The following YTHDC1 variants were observed in gnomAD, a reference collection of about 807,000 sequenced individuals.
The protein encoded by YTHDC1 is YTH domain-containing protein 1.
YTHDC1 carries 12 observed loss-of-function variants against 107.0 expected under a neutral mutation model. The ratio of observed to expected loss-of-function variants is 0.11; its 90% CI spans 0.07 to 0.18. YTHDC1 has a LOEUF of 0.18. Among genes scored for constraint, YTHDC1 ranks in the 10% least tolerant of loss-of-function variants. YTHDC1 has a pLI of 1.00. For synonymous variants in YTHDC1, 280 were observed against 289.5 expected, an observed-to-expected ratio of 0.97 and a Z score of 0.33; for missense variants, 635 against 898.8, an observed-to-expected ratio of 0.71 and a Z score of 3.75.
intron 9 of YTHDC1, among the ~76,000 whole-genome samples, chr4:68,325,441 A>G (rs566705195): frequency 1.3e-5 from 2 of 152,352 alleles, no homozygotes; most frequent in South Asian, 4.1e-4. Flanking sequence ...GAGAAGGGCT[A>G]GAACACAGGC....
chr4:68,333,487 T>C (rs1723818849), intron 4 of YTHDC1, 90 bp from the exon 5 acceptor site: 3 of 869,140 alleles, frequency 3.5e-6, no homozygotes, highest in Non-Finnish European at 5.5e-6. Context: ...TGTCTAGTTT[T>C]TGCATAGCCC....
rs747229412 is a variant in YTHDC1 at position 68,332,096 on chromosome 4, C to G, written c.1122+7G>C. 24 of 1,578,818 alleles carry G rather than the reference C, an allele frequency of 1.5e-5. No individual in the cohort carries two copies. Among genetic ancestry groups the G allele is most frequent in the Non-Finnish European group, 2.1e-5 (24 of 1,159,730 alleles). On this transcript the variant is annotated splice_region_variant and intron_variant, in intron 7 of 16. Transcript: ENST00000344157. ...TAGGATAGTTTCAACAGAACTGATG[C>G]TAATACCTTCGCTTTGGCAAGAGAC...
intron 8 of YTHDC1, 36 bp downstream of exon 8, chr4:68,330,161 TAATTA>T: frequency 6.3e-7 from 1 of 1,574,876 alleles, no homozygotes; most frequent in Non-Finnish European, 8.7e-7. Context: ...GATGCTAATA[TAATTA>T]ATGTTTTTAT....
Position 68,333,400 on chromosome 4 carries a change from A to G in YTHDC1, c.884-3T>C, listed in dbSNP as rs1399396486. ...CTTCCTTTCCTTCTTTTTCTCATCT[A>G]AAAAGAACAAGAGTTTTTTTTTTAA... On this transcript the variant is annotated splice_region_variant and splice_polypyrimidine_tract_variant and intron_variant, in intron 4 of 16. Transcript: ENST00000344157. 6.3e-7 allele frequency: 1 copy of G among 1,597,346 alleles called. No homozygotes were observed. The highest frequency in any genetic ancestry group is 8.5e-7 in the Non-Finnish European group (1 of 1,172,032).
intron 1 of YTHDC1, among the ~76,000 whole-genome samples, chr4:68,339,909 A>G (rs1006911892): frequency 2.0e-5 from 3 of 152,190 alleles, no homozygotes; most frequent in African/African-American, 7.2e-5. Context: ...TTGTCCAACA[A>G]GATAAACCTT....
intron 6 of YTHDC1, 125 bp downstream of exon 6, chr4:68,332,669 A>AT (rs1301398948): frequency 6.5e-6 from 5 of 775,064 alleles, no homozygotes; most frequent in Non-Finnish European, 1.0e-5. Context: ...TTAAGATATT[A>AT]TTTTTTGCTT....
At chr4:68,342,071 C>T (rs1022956121) in intron 1 of YTHDC1, among the ~76,000 whole-genome samples, 11 of 152,126 alleles carry the variant, frequency 7.2e-5, no homozygotes, top group Non-Finnish European at 1.6e-4. Flanking sequence ...TTCAACAAAA[C>T]AGGTATGGTA....
rs1246289693 is a variant in YTHDC1, at chr4:68,316,943, CA to C, written c.1825-496del. ...CTTTGTATGTATCTGTTCTTAGAAA[CA>C]TCAACAGGCCTGGTGTGGTGGCTCA... On this transcript the variant is annotated intron_variant, in intron 15 of 16. Coordinates refer to ENST00000344157, the MANE Select transcript of YTHDC1 (RefSeq NM_001031732.4). 3.9e-5 allele frequency among the ~76,000 whole-genome samples: 6 copies of C among 152,308 alleles called. No individual in the cohort carries two copies. In the East Asian group the frequency reaches 9.6e-4, roughly 24 times the overall value.
rs779397670 is a variant in YTHDC1, at chr4:68,337,766, C to G, written c.265G>C (p.Gly89Arg). Reference protein sequence around the residue: ...SNNKRIVSTKGKSATEYKNEE... With the variant: ...SNNKRIVSTKRKSATEYKNEE... ...TTTTTATACTCTGTGGCTGACTTTCCTTTTGTACTAACTATTCTTTTGTTA... is the reference window on the plus strand; with the variant it reads ...TTTTTATACTCTGTGGCTGACTTTCGTTTTGTACTAACTATTCTTTTGTTA... The change falls in exon 3 of 17, where the codon GGA (glycine) becomes CGA (arginine). Residue 89 changes from glycine to arginine, a missense_variant. By Grantham distance (125) the Gly-to-Arg change is moderately radical. Transcript: ENST00000344157. 1 of 1,614,092 alleles carries G rather than the reference C, an allele frequency of 6.2e-7. No homozygotes were observed. Among genetic ancestry groups the G allele is most frequent in the Non-Finnish European group, 8.5e-7 (1 of 1,180,018 alleles).
intron 4 of YTHDC1, among the ~76,000 whole-genome samples, 175 bp from the exon 5 acceptor site, chr4:68,333,572 A>G (rs1723825359): frequency 1.3e-5 from 2 of 152,178 alleles, no homozygotes; most frequent in Admixed American, 6.5e-5. Flanking sequence ...TACTGTTTAA[A>G]AAGTACGGGC....
chr4:68,348,336 T>C (rs571198288), intron 1 of YTHDC1, among the ~76,000 whole-genome samples: 148 of 152,290 alleles, frequency 9.7e-4, no homozygotes, highest in Non-Finnish European at 1.6e-3. Flanking sequence ...GTTCATAAAT[T>C]AGAAAGACAA....
intron 1 of YTHDC1, among the ~76,000 whole-genome samples, chr4:68,343,318 C>T (rs1725053668): frequency 6.6e-6 from 1 of 151,364 alleles, no homozygotes; most frequent in Non-Finnish European, 1.5e-5. Flanking sequence ...CCTGCCTCAG[C>T]CTCCCGAGTA....
intron 1 of YTHDC1, among the ~76,000 whole-genome samples, chr4:68,343,164 A>G (rs1014811278): frequency 6.6e-6 from 1 of 152,168 alleles, no homozygotes; most frequent in Non-Finnish European, 1.5e-5. Flanking sequence ...TTAGATGTCT[A>G]TATAGAGAAC....
chr4:68,349,967 C>A lies in YTHDC1; in HGVS notation c.-214G>T. ...CACTCCAGCATCCAGCGGCCTAGGC[C>A]CAGCCTTCTCGTTAGGGCTCAGACT... On this transcript the variant is annotated 5_prime_UTR_variant, in exon 1 of 17. Coordinates refer to ENST00000344157, the MANE Select transcript of YTHDC1 (RefSeq NM_001031732.4). The A allele has an allele frequency of 1.5e-6, 1 of 664,048 alleles. No individual in the cohort carries two copies. The highest frequency in any genetic ancestry group is 2.6e-6 in the Non-Finnish European group (1 of 390,956). 41.1% of individuals were successfully genotyped at this position (664,048 alleles called of 1,614,324 possible). A position where few individuals can be genotyped will look rare whatever the true frequency, so the allele number is the denominator to read the frequency against.
At position 68,337,167 on chromosome 4, in the gene YTHDC1, T is replaced by A; in HGVS notation, c.743A>T (p.Glu248Val). 6.2e-7 allele frequency: 1 copy of A among 1,613,432 alleles called. No homozygotes were observed. The highest frequency in any genetic ancestry group is 1.1e-5 in the South Asian group (1 of 91,054). ...GTCTCTCTCATCCTGTTCATATTCTTCTTCTTCCTCCTCCTCCTCCTCCTC... is the reference window on the plus strand; with the variant it reads ...GTCTCTCTCATCCTGTTCATATTCTACTTCTTCCTCCTCCTCCTCCTCCTC... ...EEEEEEEEEE[E>V]EYEQDERDQK... Residue 248 changes from glutamate to valine, a missense_variant, in exon 4 of 17, where the codon GAA becomes GTA. By Grantham distance (121) the Glu-to-Val change is moderately radical. This residue lies in a region of YTHDC1 where 294 missense variants were observed against 312.3 expected (regional missense o/e 0.94). Coordinates refer to ENST00000344157, the MANE Select transcript of YTHDC1 (RefSeq NM_001031732.4).
intron 10 of YTHDC1, 90 bp downstream of exon 10, chr4:68,324,049 T>A: frequency 2.5e-6 from 3 of 1,193,078 alleles, no homozygotes; most frequent in Admixed American, 2.3e-5. Context: ...GTCTCTTTCA[T>A]CAGAAACGGT....
In YTHDC1 at chr4:68,337,166, T is replaced by G. The variant is rs764447396; in HGVS notation, c.744A>C (p.Glu248Asp). 6.2e-7 allele frequency: 1 copy of G among 1,613,382 alleles called. No individual in the cohort carries two copies. The highest frequency in any genetic ancestry group is 1.7e-5 in the Admixed American group (1 of 59,980). The change falls in exon 4 of 17, where the codon GAA becomes GAC. Residue 248 changes from glutamate (E) to aspartate (D), a missense_variant. Physicochemically the swap from Glu to Asp is conservative, Grantham distance 45 (BLOSUM62 2). Transcript: ENST00000344157. Reference protein sequence around the residue: ...EEEEEEEEEEEEYEQDERDQK... With the variant: ...EEEEEEEEEEDEYEQDERDQK... ...GGTCTCTCTCATCCTGTTCATATTC[T>G]TCTTCTTCCTCCTCCTCCTCCTCCT...
chr4:68,344,145 TGGTGAATGA>T (rs1485138838), intron 1 of YTHDC1: 1 of 151,746 alleles, frequency 6.6e-6, no homozygotes, highest in Non-Finnish European at 1.5e-5. Context: ...GGTTTGTATC[TGGTGAATGA>T]GTTTGTATCT....
At chr4:68,334,989 C>T (rs1723995669) in intron 4 of YTHDC1, among the ~76,000 whole-genome samples, 1 of 152,132 alleles carries the variant, frequency 6.6e-6, no homozygotes, top group South Asian at 2.1e-4. Flanking sequence ...TGAGAAATCT[C>T]CAAGGAATTT....
Sources: gnomAD v4.1 joint callset for allele counts (sites outside exome capture counted in the v4.1 genomes callset) on GRCh38, gnomAD v4.1.1 for gene constraint, gnomAD v4.1.1 regional missense constraint, MANE v1.5 for transcripts, NCBI Gene and HGNC (gene_info 2026-07-23, HGNC 2026-07-21) for gene names.